PCGF3: variants seen among roughly 807,000 people sequenced by gnomAD.
PCGF3 encodes the protein polycomb group ring finger 3, also known as polycomb group RING finger protein 3.
In PCGF3, 7 loss-of-function variants were observed where a neutral mutation model predicts 33.1. That is an observed-to-expected ratio of 0.21 (90% CI 0.12 to 0.40). The LOEUF (loss-of-function observed/expected upper bound fraction) is 0.40. Ranked by LOEUF, PCGF3 falls within the 10% of genes least tolerant of loss-of-function variation. The pLI, the probability that PCGF3 is intolerant of heterozygous loss-of-function variation, is 1.00. For synonymous variants in PCGF3, 153 were observed against 121.3 expected, an observed-to-expected ratio of 1.26 and a Z score of -1.72; for missense variants, 211 against 313.3, an observed-to-expected ratio of 0.67 and a Z score of 2.46.
chr4:728,095 A>G (rs1329170884), intron 1 of PCGF3, among the ~76,000 whole-genome samples: 1 of 152,128 alleles, frequency 6.6e-6, no homozygotes, highest in Non-Finnish European at 1.5e-5. Context: ...TTTCCATTTT[A>G]TTAGGGTCAA....
chr4:753,772 AC>A (rs1744638961), intron 8 of PCGF3, among the ~76,000 whole-genome samples: 1 of 151,228 alleles, frequency 6.6e-6, no homozygotes, highest in Non-Finnish European at 1.5e-5. Context: ...ACAAGGTGAA[AC>A]CCCGTCTCTA....
chr4:749,895 G>A (rs544170155), intron 8 of PCGF3, among the ~76,000 whole-genome samples: 8 of 152,288 alleles, frequency 5.3e-5, no homozygotes, highest in African/African-American at 1.7e-4. Context: ...ACAGCTCCCT[G>A]TACCCTCTGC....
At chr4:715,225 C>A (rs1157315817) in intron 1 of PCGF3, among the ~76,000 whole-genome samples, 1 of 140,648 alleles carries the variant, frequency 7.1e-6, no homozygotes, top group African/African-American at 2.6e-5. Context: ...GGTGCTGGGA[C>A]CCTGTAGACA....
chr4:740,166 T>C (rs1394046767), intron 6 of PCGF3, among the ~76,000 whole-genome samples: 5 of 152,226 alleles, frequency 3.3e-5, no homozygotes, highest in African/African-American at 9.6e-5. Context: ...GAGGATGCAG[T>C]GGTGAGGCGA....
At chr4:750,093 A>T (rs1337729703) in intron 8 of PCGF3, among the ~76,000 whole-genome samples, 2 of 152,226 alleles carry the variant, frequency 1.3e-5, no homozygotes, top group Non-Finnish European at 2.9e-5. Context: ...GCGTGAGCCC[A>T]CGTGCCCGCC....
intron 1 of PCGF3, among the ~76,000 whole-genome samples, chr4:713,393 G>A (rs377464222): frequency 2.2e-4 from 32 of 147,164 alleles, no homozygotes; most frequent in Admixed American, 2.2e-3. Flanking sequence ...TGTGGGTCCT[G>A]TGTGGCCTTG....
chr4:706,751 A>T (rs556241172), intron 1 of PCGF3, among the ~76,000 whole-genome samples: 21 of 102,764 alleles, frequency 2.0e-4, no homozygotes, highest in African/African-American at 7.8e-4. Context: ...GGCAGGACCC[A>T]GGGAGGGCGA....
At chr4:718,694 GA>G (rs1742957407) in intron 1 of PCGF3, among the ~76,000 whole-genome samples, 1 of 152,176 alleles carries the variant, frequency 6.6e-6, no homozygotes, top group Non-Finnish European at 1.5e-5. Flanking sequence ...GCAACACCCT[GA>G]GTGGGGCTGG....
chr4:766,073 G>A, exon 11 of PCGF3: 3 of 1,614,074 alleles, frequency 1.9e-6, no homozygotes, highest in African/African-American at 1.3e-5. Context: ...AGATGGACTT[G>A]CTGTGAATGG....
At chr4:722,870 G>A (rs1372168213) in intron 1 of PCGF3, among the ~76,000 whole-genome samples, 4 of 107,592 alleles carry the variant, frequency 3.7e-5, no homozygotes, top group Non-Finnish European at 7.5e-5. Flanking sequence ...ATCCACGCCG[G>A]GTCCACACTC....
chr4:720,574 C>A lies in PCGF3; in HGVS notation c.-189-10056C>A, dbSNP rs538361259. Among the ~76,000 whole-genome samples, 2 of 148,472 alleles carry A rather than the reference C, an allele frequency of 1.3e-5. No homozygotes were observed. The highest frequency in any genetic ancestry group is 5.0e-5 in the African/African-American group (2 of 39,840). Reference sequence around the variant, plus strand: ...GGACGCAGCCCCGACGTGAACAGGACCCCACGTGGACGGGCAGTGACGTGC... The same window carrying A: ...GGACGCAGCCCCGACGTGAACAGGAACCCACGTGGACGGGCAGTGACGTGC... On this transcript the variant is annotated intron_variant, in intron 1 of 10. Coordinates refer to ENST00000362003, the Ensembl canonical transcript of PCGF3. The surrounding 1 kb of genome is among the most constrained non-coding windows in gnomAD (Gnocchi z 5.6).
intron 1 of PCGF3, among the ~76,000 whole-genome samples, chr4:730,120 C>T (rs1165659540): frequency 6.6e-6 from 1 of 152,156 alleles, no homozygotes; most frequent in African/African-American, 2.4e-5. Context: ...TCAGTGCCCA[C>T]GCCGGGGCCC....
At position 730,417 on chromosome 4, in the gene PCGF3, G is replaced by T. The variant is rs1577409579; in HGVS notation, c.-189-213G>T. On this transcript the variant is annotated intron_variant, in intron 1 of 10. Transcript: ENST00000362003. ...CGTGCCCACTCCTGCTGTCTCCGAT[G>T]CCTTGGGCCTGGGCTCAGAGACGCC... Among the ~76,000 whole-genome samples the T allele has an allele frequency of 2.0e-5, 3 of 152,164 alleles. No homozygotes were observed. The East Asian group carries it at 5.8e-4, about 29-fold the overall frequency.
intron 1 of PCGF3, among the ~76,000 whole-genome samples, chr4:718,404 G>T (rs560074014): frequency 1.6e-4 from 24 of 152,298 alleles, no homozygotes; most frequent in Non-Finnish European, 2.6e-4. Flanking sequence ...CTCTGAGGCT[G>T]GTAGTGACTC....
chr4:750,010 T>C (rs981776373), intron 8 of PCGF3, among the ~76,000 whole-genome samples: 1 of 152,172 alleles, frequency 6.6e-6, no homozygotes, highest in Admixed American at 6.5e-5. Flanking sequence ...CTTGCTGTGT[T>C]GCCTAGGCCG....
Position 729,023 on chromosome 4 carries a change from C to T in PCGF3, c.-189-1607C>T, listed in dbSNP as rs139579268. ...GCTGAGGCACAAGAATTGCTTGAAT[C>T]TGGAAAGTGGAGGTTACAGTGAGCC... On this transcript the variant is annotated intron_variant, in intron 1 of 10. Coordinates refer to ENST00000362003, the Ensembl canonical transcript of PCGF3. Among the ~76,000 whole-genome samples the T allele has an allele frequency of 4.9e-3, 665 of 135,720 alleles. 6 individuals are homozygous for T. The highest frequency in any genetic ancestry group is 7.0e-3 in the Non-Finnish European group (461 of 65,706). The allele number at this position is 135,720 out of a possible 152,430, so 89.0% of individuals were successfully genotyped here.
chr4:711,753 G>A (rs933503914), intron 1 of PCGF3, among the ~76,000 whole-genome samples: 6 of 151,916 alleles, frequency 3.9e-5, no homozygotes, highest in African/African-American at 4.8e-5. Context: ...CACCGCACCC[G>A]GCCGAAAATG....
intron 6 of PCGF3, among the ~76,000 whole-genome samples, chr4:738,051 GAC>G (rs1433624109): frequency 6.6e-6 from 1 of 152,252 alleles, no homozygotes; most frequent in Non-Finnish European, 1.5e-5. Flanking sequence ...CCCAGCTCCC[GAC>G]ACTCTCACGG....
intron 8 of PCGF3, chr4:757,540 G>A (rs1744822957): frequency 6.6e-6 from 1 of 152,202 alleles, no homozygotes; most frequent in South Asian, 2.1e-4. Context: ...CTTTCTGTTG[G>A]TGAATACTTG....
Sources: gnomAD v4.1 joint callset for allele counts (sites outside exome capture counted in the v4.1 genomes callset) on GRCh38, gnomAD v4.1.1 for gene constraint, Gnocchi (gnomAD v3.1) non-coding constraint, MANE v1.5 for transcripts, NCBI Gene and HGNC (gene_info 2026-07-23, HGNC 2026-07-21) for gene names.